MPRIP: variants seen among roughly 807,000 people sequenced by gnomAD.
MPRIP encodes myosin phosphatase Rho-interacting protein.
Under a neutral mutation model 234.9 loss-of-function variants are expected in MPRIP, and 59 were observed. That is an observed-to-expected ratio of 0.25 (90% CI 0.20 to 0.31). MPRIP has a LOEUF of 0.31. MPRIP is among the 10% of genes least tolerant of loss of function. The pLI is 1.00. For missense variants in MPRIP, 2,436 were observed against 3,071.0 expected (o/e 0.79, Z 4.89); for synonymous variants, 1,144 against 1,263.9 (o/e 0.91, Z 2.01).
intron 1 of MPRIP, among the ~76,000 whole-genome samples, chr17:17,065,331 A>G (rs2088988573): frequency 1.4e-5 from 2 of 144,208 alleles, no homozygotes; most frequent in African/African-American, 5.1e-5. Flanking sequence ...AATATGTTTC[A>G]TTTTGTCTTG....
rs1400343068 is a variant in MPRIP, at chr17:17,166,832, G to A, written c.5241G>A (p.Leu1747=). The A allele has an allele frequency of 7.7e-7, 1 of 1,304,188 alleles. No homozygotes were observed. The highest frequency in any genetic ancestry group is 5.6e-5 in the East Asian group (1 of 18,012). The allele number at this position is 1,304,188 out of a possible 1,614,324, so 80.8% of individuals were successfully genotyped here. ...ATGGTGTTCAGCTGTCCTGGGACCTGAGCCCCTTAGGAGAAGTCCTGGGCC... is the reference window on the plus strand; with the variant it reads ...ATGGTGTTCAGCTGTCCTGGGACCTAAGCCCCTTAGGAGAAGTCCTGGGCC... ...HEDGVQLSWD[L]SPLGEVLGRD... is the part of the protein sequence containing the mutation. Residue 1747 remains leucine, a synonymous_variant, in exon 16 of 24, where the codon CTG becomes CTA. Transcript: ENST00000651222. The surrounding 1 kb of genome is among the most constrained non-coding windows in gnomAD (Gnocchi z 4.4).
intron 13 of MPRIP, 85 bp from the exon 14 acceptor site, chr17:17,158,347 T>G: frequency 8.4e-7 from 1 of 1,184,190 alleles, no homozygotes; most frequent in Admixed American, 2.6e-5. Flanking sequence ...AGGGGCTGGG[T>G]TGTGGCTCAG....
At chr17:17,069,481 T>G (rs1437606067) in intron 1 of MPRIP, among the ~76,000 whole-genome samples, 1 of 151,894 alleles carries the variant, frequency 6.6e-6, no homozygotes, top group African/African-American at 2.4e-5. Context: ...TGTTTTGTTT[T>G]GCTTTTTTTT....
chr17:17,145,738 C>G (rs1017341137), intron 9 of MPRIP, among the ~76,000 whole-genome samples: 1 of 152,224 alleles, frequency 6.6e-6, no homozygotes, highest in Non-Finnish European at 1.5e-5. Context: ...CAGATAGGCC[C>G]TGTGCAGTGG....
chr17:17,139,476 T>G (rs1433626523), intron 7 of MPRIP, among the ~76,000 whole-genome samples: 2 of 152,222 alleles, frequency 1.3e-5, no homozygotes, highest in African/African-American at 2.4e-5. Context: ...CAAGGTTCAC[T>G]GTCCAGAAAA....
At chr17:17,064,589 T>C (rs2088966498) in intron 1 of MPRIP, among the ~76,000 whole-genome samples, 1 of 152,186 alleles carries the variant, frequency 6.6e-6, no homozygotes, top group Non-Finnish European at 1.5e-5. Flanking sequence ...CCAGGAATCC[T>C]GCTCCATTTC....
chr17:17,129,936 A>G (rs1247383034), intron 4 of MPRIP, among the ~76,000 whole-genome samples: 1 of 152,212 alleles, frequency 6.6e-6, no homozygotes, highest in Admixed American at 6.5e-5. Flanking sequence ...CCCAGGTTGT[A>G]TGAGCGAGGC....
Position 17,126,940 on chromosome 17 carries a change from G to A in MPRIP, c.419+87G>A, listed in dbSNP as rs371673872. ...GGCCGCCTGCCCCTGTGGCAGTGTC[G>A]ATGTTGTCTACTTCCCCGTGTGCCT... On this transcript the variant is annotated intron_variant, in intron 4 of 23. Transcript: ENST00000651222. The A allele has an allele frequency of 2.2e-4, 324 of 1,494,946 alleles. No homozygotes were observed. In the African/African-American group the frequency reaches 2.4e-3, roughly 11 times the overall value. 92.6% of individuals were successfully genotyped at this position (1,494,946 alleles called of 1,614,324 possible).
intron 3 of MPRIP, among the ~76,000 whole-genome samples, chr17:17,085,932 A>G (rs987425707): frequency 6.6e-6 from 1 of 152,170 alleles, no homozygotes; most frequent in African/African-American, 2.4e-5. Flanking sequence ...AGGAATACAC[A>G]CTGACCAGAC....
intron 1 of MPRIP, among the ~76,000 whole-genome samples, chr17:17,044,681 G>A (rs751179080): frequency 7.2e-5 from 11 of 152,074 alleles, no homozygotes; most frequent in South Asian, 2.1e-4. Flanking sequence ...GGCTGTTTTC[G>A]AATTCTTAAG....
In MPRIP at chr17:17,079,452, A is replaced by T. The variant is rs991094851; in HGVS notation, c.267+1376A>T. 2.0e-5 allele frequency among the ~76,000 whole-genome samples: 3 copies of T among 152,344 alleles called. No homozygotes were observed. The East Asian group carries it at 5.8e-4, about 29-fold the overall frequency. On this transcript the variant is annotated intron_variant, in intron 3 of 23. Coordinates refer to ENST00000651222, the MANE Select transcript of MPRIP (RefSeq NM_001364716.4). The stretch of plus-strand genomic sequence containing the variant: ...GACACTCCGTTCCTTTGAGGCAAGA[A>T]AGCAGACCTGGAGGATTAGACTTCA...
chr17:17,162,048 C>T (rs116811366), intron 15 of MPRIP, among the ~76,000 whole-genome samples: 3,610 of 152,328 alleles, frequency 0.024, 113 homozygotes, highest in Middle Eastern at 0.085. Context: ...ATACTCTTGT[C>T]CCCATTGAGT....
Position 17,137,959 on chromosome 17 carries a change from A to C in MPRIP, c.780A>C (p.Lys260Asn). Residue 260 changes from lysine to asparagine, a missense_variant, in exon 7 of 24, where the codon AAA becomes AAC. Coordinates refer to ENST00000651222, the MANE Select transcript of MPRIP (RefSeq NM_001364716.4). ...MSSDRMDCGRKVRVESGYFSL... is the reference protein window; with the variant it reads ...MSSDRMDCGRNVRVESGYFSL... Reference sequence around the variant, plus strand: ...GCGACCGCATGGACTGTGGCCGCAAAGTCCGGGTGGAGAGCGGCTACTTCT... The same window carrying C: ...GCGACCGCATGGACTGTGGCCGCAACGTCCGGGTGGAGAGCGGCTACTTCT... 6.2e-7 allele frequency: 1 copy of C among 1,612,482 alleles called. No individual in the cohort carries two copies. Among genetic ancestry groups the C allele is most frequent in the Non-Finnish European group, 8.5e-7 (1 of 1,179,360 alleles).
chr17:17,108,951 T>TGCTA (rs1052587471), intron 3 of MPRIP, among the ~76,000 whole-genome samples: 1 of 152,226 alleles, frequency 6.6e-6, no homozygotes, highest in African/African-American at 2.4e-5. Flanking sequence ...CCCACCTGTA[T>TGCTA]GCTAGCACTG....
rs1756006105 is a variant in MPRIP, at chr17:17,165,648, G to C, written c.4057G>C (p.Asp1353His). The change falls in exon 16 of 24, where the codon GAC becomes CAC. Residue 1353 changes from aspartate to histidine, a missense_variant. By Grantham distance (81) the Asp-to-His change is moderately conservative. Coordinates refer to ENST00000651222, the MANE Select transcript of MPRIP (RefSeq NM_001364716.4). ...TSSTSSDTSQDRSPSEESMSS... is the reference protein window; with the variant it reads ...TSSTSSDTSQHRSPSEESMSS... The stretch of plus-strand genomic sequence containing the variant: ...CAGCACATCTTCCGACACCAGCCAG[G>C]ACCGGTCACCCTCGGAAGAAAGCAT... The C allele has an allele frequency of 7.7e-7, 1 of 1,304,990 alleles. No homozygotes were observed. The highest frequency in any genetic ancestry group is 1.0e-6 in the Non-Finnish European group (1 of 989,078). 80.8% of individuals were successfully genotyped at this position (1,304,990 alleles called of 1,614,324 possible). A position where few individuals can be genotyped will look rare whatever the true frequency, so the allele number is the denominator to read the frequency against.
intron 3 of MPRIP, chr17:17,096,971 A>G: frequency 2.8e-6 from 1 of 356,534 alleles, no homozygotes; most frequent in South Asian, 2.1e-5. Flanking sequence ...GCACTGAGAC[A>G]GGCACACGTG....
chr17:17,043,028 C>G (rs568121895), intron 1 of MPRIP, 57 bp downstream of exon 1: 10 of 1,557,434 alleles, frequency 6.4e-6, no homozygotes, highest in Non-Finnish European at 7.9e-6. Context: ...GGTCGGCGGC[C>G]GGGGCGCCGC....
intron 1 of MPRIP, among the ~76,000 whole-genome samples, chr17:17,067,790 C>CTTTTTTTTTTTTTTTTTTT (rs35187618): frequency 1.3e-5 from 1 of 76,748 alleles, no homozygotes; most frequent in Non-Finnish European, 2.5e-5. Context: ...CTTCTTCTTC[C>CTTTTTTTTTTTTTTTTTTT]TTTTTTTTTT....
chr17:17,160,125 T>G lies in MPRIP; in HGVS notation c.2401-1115T>G, dbSNP rs536938009. Reference sequence around the variant, plus strand: ...GGCTCACGCCTGTAATCCCGGTACTTTGGGAGGCCGAGGCGGGCGGATCAC... The same window carrying G: ...GGCTCACGCCTGTAATCCCGGTACTGTGGGAGGCCGAGGCGGGCGGATCAC... On this transcript the variant is annotated intron_variant, in intron 14 of 23. Transcript: ENST00000651222. Among the ~76,000 whole-genome samples, 8 of 152,160 alleles carry G rather than the reference T, an allele frequency of 5.3e-5. No homozygotes were observed. In the East Asian group the frequency reaches 1.5e-3, roughly 29 times the overall value.
Sources: allele counts gnomAD v4.1 joint callset (sites outside exome capture counted in the v4.1 genomes callset), GRCh38; gene constraint gnomAD v4.1.1; non-coding constraint Gnocchi (gnomAD v3.1); transcripts MANE v1.5; gene names NCBI Gene and HGNC (gene_info 2026-07-23, HGNC 2026-07-21).